The following HELZ variants were observed in gnomAD, a reference collection of about 807,000 sequenced individuals.
HELZ encodes the protein ATP-dependent RNA helicase with zinc finger domain.
HELZ carries 23 observed loss-of-function variants against 218.2 expected under a neutral mutation model. The ratio of observed to expected loss-of-function variants is 0.11; its 90% confidence interval spans 0.08 to 0.15. The LOEUF (loss-of-function observed/expected upper bound fraction) is 0.15. Among genes scored for constraint, HELZ ranks in the 10% least tolerant of loss-of-function variants. The pLI is 1.00. For synonymous variants in HELZ, 814 were observed against 829.4 expected (o/e 0.98, Z 0.32); for missense variants, 1,813 against 2,353.7 (o/e 0.77, Z 4.75).
chr17:67,214,288 C>CA (rs1319877371), intron 5 of HELZ, among the ~76,000 whole-genome samples: 1 of 98,434 alleles, frequency 1.0e-5, no homozygotes, highest in African/African-American at 4.0e-5. Flanking sequence ...TTTTTTGAGA[C>CA]AGAGTCTCAC....
rs149979705 is a variant in HELZ, at chr17:67,134,109, C to T, written c.3182+1861G>A. On this transcript the variant is annotated intron_variant, in intron 23 of 32. Transcript: ENST00000358691. The stretch of plus-strand genomic sequence containing the variant: ...CAGAATTAAGGTATTCTCGACTAGG[C>T]GCGGTGGCTCACGCCTGTAATCCTA... 1.3e-3 allele frequency among the ~76,000 whole-genome samples: 198 copies of T among 152,284 alleles called. 10 individuals are homozygous for T. In the East Asian group the frequency reaches 0.027, roughly 20 times the overall value.
chr17:67,174,215 A>T (rs2039389409), intron 13 of HELZ, among the ~76,000 whole-genome samples: 1 of 151,994 alleles, frequency 6.6e-6, no homozygotes, highest in East Asian at 1.9e-4. Flanking sequence ...AAAAAAAAAA[A>T]AGATAGATTA....
At chr17:67,245,567 T>C, upstream of HELZ, 7 of 970,636 alleles carry the variant, frequency 7.2e-6, no homozygotes, top group Non-Finnish European at 8.6e-6. Flanking sequence ...CGCGGATTTA[T>C]TTGTGCGCGT....
chr17:67,201,182 C>T lies in HELZ; in HGVS notation c.376G>A (p.Gly126Arg). The change falls in exon 7 of 33, where the codon GGG becomes AGG. Residue 126 changes from glycine (G) to arginine (R), a missense_variant. Coordinates refer to ENST00000358691, the MANE Select transcript of HELZ (RefSeq NM_014877.4). ...CTTGTCAAATCCTTTGTTACCATCC[C>T]ATTCTGAAAGGGTGAATAAAAAAGA... ...AKSLTGESLN[G>R]MVTKDLTRLK... 6.2e-7 allele frequency: 1 copy of T among 1,604,234 alleles called. No homozygotes were observed. The highest frequency in any genetic ancestry group is 8.5e-7 in the Non-Finnish European group (1 of 1,171,594).
chr17:67,101,279 A>G (rs1450587950), intron 31 of HELZ, among the ~76,000 whole-genome samples: 3 of 152,136 alleles, frequency 2.0e-5, no homozygotes, highest in Non-Finnish European at 2.9e-5. Context: ...GAGGTGGGAC[A>G]GAGGAGGAGG....
chr17:67,089,694 G>GAGACAGAC (rs1555595480), intron 31 of HELZ, among the ~76,000 whole-genome samples: 1 of 100,696 alleles, frequency 9.9e-6, no homozygotes, highest in African/African-American at 4.1e-5. Flanking sequence ...GAGAGAGAGA[G>GAGACAGAC]AGAGAGACAG....
chr17:67,242,885 ATAGACACGAAAAATTTGTG>A (rs2041364215), intron 2 of HELZ, among the ~76,000 whole-genome samples: 1 of 151,968 alleles, frequency 6.6e-6, no homozygotes, highest in Non-Finnish European at 1.5e-5. Flanking sequence ...AGATGTTGTG[ATAGACACGAAAAATTTGTG>A]AGAGGATTTC....
At position 67,128,744 on chromosome 17, in the gene HELZ, A is replaced by G. The variant is rs573672221; in HGVS notation, c.3294T>C (p.Tyr1098=). Reference sequence around the variant, plus strand: ...ATTCAGGTGCCAGCGGATTCAACACATATGTCTTCTTTAGTTCTAAAGCCT... The same window carrying G: ...ATTCAGGTGCCAGCGGATTCAACACGTATGTCTTCTTTAGTTCTAAAGCCT... The part of the protein sequence containing the change: ...QLEALELKKT[Y]VLNPLAPEFI... The change falls in exon 24 of 33, where the codon TAT becomes TAC. Residue 1098 remains tyrosine, a synonymous_variant. Coordinates refer to ENST00000358691, the MANE Select transcript of HELZ (RefSeq NM_014877.4). 3 of 1,614,124 alleles carry G rather than the reference A, an allele frequency of 1.9e-6. No homozygotes were observed. The highest frequency in any genetic ancestry group is 1.1e-5 in the South Asian group (1 of 91,078).
chr17:67,193,344 C>CAAAAAAAAAA (rs34516607), intron 9 of HELZ, among the ~76,000 whole-genome samples: 1 of 91,904 alleles, frequency 1.1e-5, no homozygotes, highest in African/African-American at 4.2e-5. Flanking sequence ...GACTCTGTCT[C>CAAAAAAAAAA]AAAAAAAAAA....
intron 23 of HELZ, among the ~76,000 whole-genome samples, chr17:67,133,369 A>C (rs1598292464): frequency 6.6e-6 from 1 of 152,288 alleles, no homozygotes; most frequent in East Asian, 1.9e-4. Flanking sequence ...TTCTGTCAAG[A>C]CAATGGATGA....
chr17:67,099,175 C>A (rs747101734), intron 31 of HELZ, among the ~76,000 whole-genome samples: 8 of 151,664 alleles, frequency 5.3e-5, no homozygotes, highest in Non-Finnish European at 1.2e-4. Context: ...TTTCTTATTT[C>A]TTGACTTTGT....
At chr17:67,244,590 G>C (rs2041418737) in intron 1 of HELZ, 1 of 959,482 alleles carries the variant, frequency 1.0e-6, no homozygotes, top group Non-Finnish European at 1.2e-6. Flanking sequence ...GGCGGGGAAA[G>C]GGGGGAAGAA....
intron 27 of HELZ, 122 bp downstream of exon 27, chr17:67,120,283 T>G: frequency 1.3e-6 from 1 of 796,056 alleles, no homozygotes; most frequent in Non-Finnish European, 2.1e-6. Context: ...GTAGATTCTC[T>G]CTCAAAGAGG....
intron 1 of HELZ, chr17:67,244,528 A>G (rs1567925080): frequency 5.8e-6 from 5 of 856,752 alleles, no homozygotes; most frequent in Non-Finnish European, 7.0e-6. Context: ...AAGAGAGCCT[A>G]TCTTTATTTT....
At chr17:67,086,398 A>G (rs949878389) in intron 32 of HELZ, among the ~76,000 whole-genome samples, 3 of 151,504 alleles carry the variant, frequency 2.0e-5, no homozygotes, top group Non-Finnish European at 4.4e-5. Flanking sequence ...CAGCCTAGCC[A>G]ACACGGTGAA....
chr17:67,150,795 A>C (rs9905082), intron 18 of HELZ, among the ~76,000 whole-genome samples: 5,869 of 152,290 alleles, frequency 0.039, 389 homozygotes, highest in African/African-American at 0.13. Context: ...TTCTTCAGTA[A>C]AGAGCCAAAC....
intron 31 of HELZ, among the ~76,000 whole-genome samples, chr17:67,098,756 TA>T (rs1177590177): frequency 6.6e-6 from 1 of 151,896 alleles, no homozygotes; most frequent in African/African-American, 2.4e-5. Flanking sequence ...AAAGTAAAAA[TA>T]AAAATGTCCA....
Position 67,188,587 on chromosome 17 carries a change from C to T in HELZ, c.894G>A (p.Leu298=). 6.2e-7 allele frequency: 1 copy of T among 1,613,560 alleles called. No homozygotes were observed. The highest frequency in any genetic ancestry group is 8.5e-7 in the Non-Finnish European group (1 of 1,179,704). Reference sequence around the variant, plus strand: ...AATGAGGACGATGAGCATCATAAAGCAATGCTACACGATACAGCATTCTTG... The same window carrying T: ...AATGAGGACGATGAGCATCATAAAGTAATGCTACACGATACAGCATTCTTG... The part of the protein sequence containing the change: ...KPARMLYRVA[L]LYDAHRPHFS... Residue 298 remains leucine (L), a synonymous_variant, in exon 12 of 33, where the codon TTG becomes TTA. Transcript: ENST00000358691. The surrounding 1 kb of genome is among the most constrained non-coding windows in gnomAD (Gnocchi z 4.1).
At chr17:67,167,054 T>C (rs2039166966) in intron 14 of HELZ, among the ~76,000 whole-genome samples, 1 of 152,172 alleles carries the variant, frequency 6.6e-6, no homozygotes, top group East Asian at 1.9e-4. Context: ...CCAAGTTTTA[T>C]GTTTAAAAAG....
Sources: gnomAD v4.1 joint callset for allele counts (sites outside exome capture counted in the v4.1 genomes callset) on GRCh38, gnomAD v4.1.1 for gene constraint, Gnocchi (gnomAD v3.1) non-coding constraint, MANE v1.5 for transcripts, NCBI Gene and HGNC (gene_info 2026-07-23, HGNC 2026-07-21) for gene names.